Variants in ACSM2B observed in about 807,000 individuals in gnomAD.
ACSM2B encodes the protein acyl-CoA synthetase medium chain family member 2B.
In ACSM2B, 58 loss-of-function variants were observed where a neutral mutation model predicts 78.6. The observed-to-expected ratio is 0.74, with a 90% CI of 0.60 to 0.92. The LOEUF (loss-of-function observed/expected upper bound fraction) is 0.92, where lower values mean the gene tolerates loss of function less well. Among genes scored for constraint, ACSM2B ranks in the 40% least tolerant of loss-of-function variants. The pLI, the probability that ACSM2B is intolerant of heterozygous loss-of-function variation, is 0.00. For missense variants in ACSM2B, 688 were observed against 711.2 expected (o/e 0.97, Z 0.37); for synonymous variants, 257 against 256.8 (o/e 1.00, Z -0.01).
At chr16:20,552,059 T>C in intron 6 of ACSM2B, 85 bp downstream of exon 6, 1 of 1,521,738 alleles carries the variant, frequency 6.6e-7, no homozygotes, top group Admixed American at 2.1e-5. Flanking sequence ...AAAAATTAGA[T>C]GAATTGAAAC....
At chr16:20,545,923 A>G (rs2015127254) in intron 9 of ACSM2B, among the ~76,000 whole-genome samples, 1 of 152,208 alleles carries the variant, frequency 6.6e-6, no homozygotes. Context: ...GTGTATTTTT[A>G]CTAGTGAAAA....
At chr16:20,548,683 G>A (rs1183406869) in intron 6 of ACSM2B, among the ~76,000 whole-genome samples, 1 of 152,162 alleles carries the variant, frequency 6.6e-6, no homozygotes, top group Non-Finnish European at 1.5e-5. Context: ...ACATATTATT[G>A]TAGTGAAAAA....
At chr16:20,550,495 T>C (rs2015278678) in intron 6 of ACSM2B, among the ~76,000 whole-genome samples, 1 of 152,168 alleles carries the variant, frequency 6.6e-6, no homozygotes, top group Non-Finnish European at 1.5e-5. Context: ...TTTTCATTTT[T>C]TTAATGGTGG....
At position 20,545,176 on chromosome 16, in the gene ACSM2B, C is replaced by G. The variant is rs138313327; in HGVS notation, c.1262G>C (p.Gly421Ala). The G allele has an allele frequency of 1.2e-6, 2 of 1,613,006 alleles. No individual in the cohort carries two copies. The highest frequency in any genetic ancestry group is 2.2e-5 in the East Asian group (1 of 44,860). ...TCTCACCACATAGCCAGAGAAGATGCCTATAGGCCTGATGGGTTTGACCCT... is the reference window on the plus strand; with the variant it reads ...TCTCACCACATAGCCAGAGAAGATGGCTATAGGCCTGATGGGTTTGACCCT... ...GIRVKPIRPI[G>A]IFSGYVENPD... The change falls in exon 10 of 14, where the codon GGC becomes GCC. Residue 421 changes from glycine (G) to alanine (A), a missense_variant. Gly to Ala is a moderately conservative substitution (Grantham distance 60). Transcript: ENST00000329697.
At position 20,553,887 on chromosome 16, in the gene ACSM2B, A is replaced by C. The variant is rs2015391276; in HGVS notation, c.630T>G (p.Thr210=). The part of the protein sequence containing the change: ...EASTTHHCVE[T]GSQEASAIYF... The stretch of plus-strand genomic sequence containing the variant: ...AGATGGCAGATGCTTCCTGGCTTCC[A>C]GTCTCCACACAGTGATGAGTGGTGG... The change falls in exon 5 of 14, where the codon ACT becomes ACG. Residue 210 remains threonine (T), a synonymous_variant. Transcript: ENST00000329697. 1 of 1,613,762 alleles carries C rather than the reference A, an allele frequency of 6.2e-7. No individual in the cohort carries two copies. Among genetic ancestry groups the C allele is most frequent in the African/African-American group, 1.3e-5 (1 of 74,926 alleles).
chr16:20,544,470 G>A (rs746429964), intron 10 of ACSM2B: 8 of 673,196 alleles, frequency 1.2e-5, no homozygotes, highest in Non-Finnish European at 1.5e-5. Context: ...AAAATTAAAT[G>A]TGTTTATACA....
chr16:20,572,504 A>T (rs530417063), intron 1 of ACSM2B, among the ~76,000 whole-genome samples: 18 of 137,010 alleles, frequency 1.3e-4, no homozygotes, highest in Non-Finnish European at 2.5e-4. Context: ...ACAGCTCTTA[A>T]GATTCTTTCC....
rs764272875 is a variant in ACSM2B, at chr16:20,546,434, G to T, written c.1139C>A (p.Pro380Gln). 2.5e-6 allele frequency: 4 copies of T among 1,609,194 alleles called. No homozygotes were observed. The change falls in exon 9 of 14, where the codon CCA becomes CAA. Residue 380 changes from proline (P) to glutamine (Q), a missense_variant. Transcript: ENST00000329697. ...CMVSKTMKIK[P>Q]GYMGTAASCY... is the part of the protein sequence containing the mutation. Reference sequence around the variant, plus strand: ...GGAAGCAGCCGTTCCCATGTATCCTGGTTTGATTTTCATTGTCTTGGAAAC... The same window carrying T: ...GGAAGCAGCCGTTCCCATGTATCCTTGTTTGATTTTCATTGTCTTGGAAAC...
chr16:20,538,946 C>T lies in ACSM2B; in HGVS notation c.1630-1584G>A, dbSNP rs1316693985. 2.6e-5 allele frequency among the ~76,000 whole-genome samples: 4 copies of T among 152,090 alleles called. No individual in the cohort carries two copies. The South Asian group carries it at 8.3e-4, about 32-fold the overall frequency. ...AAAGAAGTCCCACTCCACCACCAGA[C>T]CCCTGTGGGGATTGCCTCAGCCAAA... On this transcript the variant is annotated intron_variant, in intron 13 of 13. Coordinates refer to ENST00000329697, the MANE Select transcript of ACSM2B (RefSeq NM_001105069.2).
chr16:20,540,700 T>G lies in ACSM2B; in HGVS notation c.1583A>C (p.Gln528Pro), dbSNP rs2014964354. ...GGCTGTCACTGACTTCACATGCTGCTGCAGCTCCTTGGTGAGCTGTTCTGG... is the reference window on the plus strand; with the variant it reads ...GGCTGTCACTGACTTCACATGCTGCGGCAGCTCCTTGGTGAGCTGTTCTGG... ...HDPEQLTKEL[Q>P]QHVKSVTAPY... Residue 528 changes from glutamine (Q) to proline (P), a missense_variant, in exon 13 of 14, where the codon CAG becomes CCG. Transcript: ENST00000329697. 1 of 1,614,040 alleles carries G rather than the reference T, an allele frequency of 6.2e-7. No homozygotes were observed. The highest frequency in any genetic ancestry group is 8.5e-7 in the Non-Finnish European group (1 of 1,180,014).
intron 1 of ACSM2B, among the ~76,000 whole-genome samples, chr16:20,571,544 AT>A (rs1360585259): frequency 6.7e-6 from 1 of 149,582 alleles, no homozygotes; most frequent in African/African-American, 2.4e-5. Context: ...TGTGTATTCC[AT>A]GGTTGTTGGG....
At chr16:20,545,622 G>C (rs2015115506) in intron 9 of ACSM2B, among the ~76,000 whole-genome samples, 1 of 152,144 alleles carries the variant, frequency 6.6e-6, no homozygotes. Flanking sequence ...AGCTGACTTT[G>C]AACTACTTAA....
At chr16:20,565,335 G>A (rs552277425) in intron 1 of ACSM2B, among the ~76,000 whole-genome samples, 27 of 152,128 alleles carry the variant, frequency 1.8e-4, no homozygotes, top group African/African-American at 2.7e-4. Context: ...GGGATTCTAC[G>A]GTTCATCAGA....
At chr16:20,569,996 T>C (rs2016050420) in intron 1 of ACSM2B, among the ~76,000 whole-genome samples, 1 of 151,752 alleles carries the variant, frequency 6.6e-6, no homozygotes, top group Non-Finnish European at 1.5e-5. Context: ...ACAATCATAT[T>C]AACAGCAAAC....
intron 1 of ACSM2B, among the ~76,000 whole-genome samples, chr16:20,566,658 ATG>A (rs1567218167): frequency 4.1e-3 from 30 of 7,334 alleles, no homozygotes; most frequent in Non-Finnish European, 5.4e-3. Context: ...TACTATATAT[ATG>A]TATATATAGT....
intron 8 of ACSM2B, chr16:20,547,564 A>G: frequency 1.0e-6 from 1 of 988,164 alleles, no homozygotes; most frequent in Non-Finnish European, 1.2e-6. Context: ...CATTGTGCAC[A>G]TGAGACCTCA....
At chr16:20,548,009 A>C in intron 8 of ACSM2B, 53 bp downstream of exon 8, 1 of 1,599,850 alleles carries the variant, frequency 6.3e-7, no homozygotes, top group South Asian at 1.1e-5. Flanking sequence ...GTCAAAGAGA[A>C]TTTTGAAGCC....
rs1285523694 is a variant in ACSM2B, at chr16:20,547,977, A to G, written c.1098+85T>C. The G allele has an allele frequency of 4.4e-6, 7 of 1,592,520 alleles. No individual in the cohort carries two copies. In the African/African-American group the frequency reaches 5.4e-5, roughly 12 times the overall value. On this transcript the variant is annotated intron_variant, in intron 8 of 13. Coordinates refer to ENST00000329697, the MANE Select transcript of ACSM2B (RefSeq NM_001105069.2). ...TATTTCTCAAATAAATGAATGATAC[A>G]TGGTGGCTAACATGTTTTATTGTCA...
chr16:20,552,526 GT>G (rs2015348762), intron 5 of ACSM2B, among the ~76,000 whole-genome samples: 1 of 152,142 alleles, frequency 6.6e-6, no homozygotes, highest in Non-Finnish European at 1.5e-5. Context: ...TGGGACCCCA[GT>G]TGACATGACT....
Sources: allele counts gnomAD v4.1 joint callset (sites outside exome capture counted in the v4.1 genomes callset), GRCh38; gene constraint gnomAD v4.1.1; transcripts MANE v1.5; gene names NCBI Gene and HGNC (gene_info 2026-07-23, HGNC 2026-07-21).